The following TRRAP variants were observed in gnomAD, a reference collection of about 807,000 sequenced individuals.
TRRAP encodes the protein transformation/transcription domain associated protein.
A neutral mutation model predicts 438.8 loss-of-function variants in TRRAP; 41 were observed. The ratio of observed to expected loss-of-function variants is 0.09; its 90% CI spans 0.07 to 0.12. The LOEUF (loss-of-function observed/expected upper bound fraction) is 0.12, where lower values mean the gene tolerates loss of function less well. Among genes scored for constraint, TRRAP ranks in the 10% least tolerant of loss-of-function variants. The pLI is 1.00. For missense variants in TRRAP, 3,122 were observed against 5,055.1 expected (o/e 0.62, Z 11.60); for synonymous variants, 1,994 against 1,962.9 (o/e 1.02, Z -0.42).
chr7:98,890,781 CTTTTTTTTTT>C (rs71118642), intron 4 of TRRAP, among the ~76,000 whole-genome samples: 4 of 53,072 alleles, frequency 7.5e-5, no homozygotes, highest in Admixed American at 6.2e-4. Context: ...AATGTCAGTT[CTTTTTTTTTT>C]TTTTTTTTTT....
chr7:98,896,416 G>C (rs1441205725), intron 7 of TRRAP, among the ~76,000 whole-genome samples: 2 of 149,430 alleles, frequency 1.3e-5, no homozygotes, highest in Non-Finnish European at 3.0e-5. Context: ...CTTTTTTTTT[G>C]GCTGGGGGTG....
At chr7:98,929,927 G>A in intron 23 of TRRAP, 62 bp from the exon 24 acceptor site, 1 of 1,541,996 alleles carries the variant, frequency 6.5e-7, no homozygotes, top group Non-Finnish European at 8.9e-7. Context: ...GGAAAACATT[G>A]GGGAGTTCTG....
intron 3 of TRRAP, among the ~76,000 whole-genome samples, chr7:98,886,748 C>G (rs1475925005): frequency 6.6e-6 from 1 of 152,102 alleles, no homozygotes; most frequent in African/African-American, 2.4e-5. Context: ...TTTCAGGAGT[C>G]TTACAGATTC....
chr7:99,012,553 G>C lies in TRRAP; in HGVS notation c.*198G>C, dbSNP rs1296817563. On this transcript the variant is annotated 3_prime_UTR_variant, in exon 73 of 73. Coordinates refer to ENST00000456197, the MANE Select transcript of TRRAP (RefSeq NM_001375524.1). The surrounding 1 kb of genome is among the most constrained non-coding windows in gnomAD (Gnocchi z 5.9). ...AGGAAGCTGAACTATGACGATGCTG[G>C]GCGAAGCGGTTGGAAATGGCAGAGC... 1 of 664,160 alleles carries C rather than the reference G, an allele frequency of 1.5e-6. No homozygotes were observed. The highest frequency in any genetic ancestry group is 1.8e-5 in the African/African-American group (1 of 55,108). 41.1% of individuals were successfully genotyped at this position (664,160 alleles called of 1,614,324 possible). A position where few individuals can be genotyped will look rare whatever the true frequency, so the allele number is the denominator to read the frequency against.
rs781991547 is a variant in TRRAP at position 98,903,365 on chromosome 7, C to T, written c.898-14C>T. 3 of 1,613,878 alleles carry T rather than the reference C, an allele frequency of 1.9e-6. No individual in the cohort carries two copies. Among genetic ancestry groups the T allele is most frequent in the African/African-American group, 1.3e-5 (1 of 74,930 alleles). ...CTATCCCTGTAACTGTGTCATCTCA[C>T]TCTGTTCTTACAGGAGTTGGTGACT... On this transcript the variant is annotated splice_polypyrimidine_tract_variant and intron_variant, in intron 11 of 72. Transcript: ENST00000456197.
At chr7:98,934,417 G>A (rs1228492079) in intron 27 of TRRAP, among the ~76,000 whole-genome samples, 1 of 152,152 alleles carries the variant, frequency 6.6e-6, no homozygotes, top group Non-Finnish European at 1.5e-5. Context: ...CTTATCATTT[G>A]TAAGGCTTGA....
In TRRAP at chr7:98,992,134, C is replaced by T. The variant is rs1793454341; in HGVS notation, c.9757-3C>T. Reference sequence around the variant, plus strand: ...CTGTTTATAACATCTTGTCTCTGAGCAGGTTGGACGCGTGTATCCCCAAGC... The same window carrying T: ...CTGTTTATAACATCTTGTCTCTGAGTAGGTTGGACGCGTGTATCCCCAAGC... On this transcript the variant is annotated splice_polypyrimidine_tract_variant and splice_region_variant and intron_variant, in intron 64 of 72. Transcript: ENST00000456197. 2 of 1,614,152 alleles carry T rather than the reference C, an allele frequency of 1.2e-6. No homozygotes were observed. Among genetic ancestry groups the T allele is most frequent in the Non-Finnish European group, 1.7e-6 (2 of 1,179,968 alleles).
rs77714149 is a variant in TRRAP at position 98,996,696 on chromosome 7, C to T, written c.10309+1848C>T. Among the ~76,000 whole-genome samples, 963 of 152,260 alleles carry T rather than the reference C, an allele frequency of 6.3e-3. 29 individuals are homozygous for T. The highest frequency in any genetic ancestry group is 0.052 in the Admixed American group (797 of 15,300). On this transcript the variant is annotated intron_variant, in intron 67 of 72. Transcript: ENST00000456197. ...CCTGAATGGAAGTGCATGAAACTAT[C>T]TGGTTAAAACAAAATATGGGCCTTC...
chr7:98,956,502 G>A lies in TRRAP; in HGVS notation c.6200G>A (p.Arg2067His), dbSNP rs1196301554. 5.0e-6 allele frequency: 8 copies of A among 1,614,056 alleles called. No individual in the cohort carries two copies. The highest frequency in any genetic ancestry group is 5.9e-6 in the Non-Finnish European group (7 of 1,180,034). ...GTGGATTCTGCCCAGGAAGTGAAAC[G>A]CTTTAGGACGGCCACCGGAGCCATC... The part of the protein sequence containing the change: ...LSVDSAQEVK[R>H]FRTATGAISA... Residue 2067 changes from arginine to histidine, a missense_variant, in exon 43 of 73, where the codon CGC becomes CAC. By Grantham distance (29) the Arg-to-His change is conservative. This residue lies in a region of TRRAP where 992 missense variants were observed against 1,281.2 expected (regional missense o/e 0.77). Transcript: ENST00000456197. The surrounding 1 kb of genome is among the most constrained non-coding windows in gnomAD (Gnocchi z 4.5).
intron 31 of TRRAP, among the ~76,000 whole-genome samples, chr7:98,944,383 AAGTT>A (rs1760625104): frequency 6.6e-6 from 1 of 152,172 alleles, no homozygotes; most frequent in Non-Finnish European, 1.5e-5. Flanking sequence ...TATTTCATAA[AAGTT>A]AGCAGATTAT....
intron 67 of TRRAP, among the ~76,000 whole-genome samples, chr7:99,002,181 T>G (rs1269226286): frequency 6.6e-6 from 1 of 152,156 alleles, no homozygotes; most frequent in Non-Finnish European, 1.5e-5. Flanking sequence ...GGGCATCCCG[T>G]GCTGATGGTG....
At chr7:98,901,206 T>C (rs782324615) in intron 11 of TRRAP, among the ~76,000 whole-genome samples, 3 of 152,282 alleles carry the variant, frequency 2.0e-5, no homozygotes, top group African/African-American at 7.2e-5. Context: ...TTCTGGTTTC[T>C]GGTGAGGGCT....
At position 98,978,827 on chromosome 7, in the gene TRRAP, C is replaced by T. The variant is rs1792782950; in HGVS notation, c.8557C>T (p.His2853Tyr). The change falls in exon 58 of 73, where the codon CAC (histidine) becomes TAC (tyrosine). Residue 2853 changes from histidine to tyrosine, a missense_variant. Around this residue, in one of 24 missense-constraint regions of TRRAP, gnomAD observed 992 missense variants for 1,281.2 expected, o/e 0.77. Coordinates refer to ENST00000456197, the MANE Select transcript of TRRAP (RefSeq NM_001375524.1). ...ALTEYGQSKGHINPYLVLECA... is the reference protein window; with the variant it reads ...ALTEYGQSKGYINPYLVLECA... ...GACGGAGTACGGTCAGTCCAAAGGC[C>T]ACATCAACCCCTACCTCGTCCTGGA... 2 of 1,614,092 alleles carry T rather than the reference C, an allele frequency of 1.2e-6. No individual in the cohort carries two copies. The highest frequency in any genetic ancestry group is 1.1e-5 in the South Asian group (1 of 91,086).
At chr7:98,999,144 G>A (rs1174875804) in intron 67 of TRRAP, 17 of 1,569,102 alleles carry the variant, frequency 1.1e-5, no homozygotes, top group Non-Finnish European at 8.7e-7. Flanking sequence ...CTGAGCAGTT[G>A]AGGCATTGAA....
intron 4 of TRRAP, among the ~76,000 whole-genome samples, chr7:98,892,039 A>G (rs1163844307): frequency 2.6e-5 from 4 of 152,204 alleles, no homozygotes; most frequent in African/African-American, 7.2e-5. Context: ...TGGCGATAGC[A>G]TTATGGGAGC....
chr7:98,906,457 G>A (rs1230179934), intron 13 of TRRAP, among the ~76,000 whole-genome samples: 5 of 150,012 alleles, frequency 3.3e-5, no homozygotes, highest in Non-Finnish European at 5.9e-5. Flanking sequence ...TTTTGAGGCC[G>A]AGTCTCACTC....
At chr7:98,884,471 G>A (rs1049836541) in intron 3 of TRRAP, among the ~76,000 whole-genome samples, 6 of 151,928 alleles carry the variant, frequency 3.9e-5, no homozygotes, top group Non-Finnish European at 5.9e-5. Context: ...CTGACCTTAA[G>A]CGATCCACCC....
At chr7:98,928,666 C>T (rs538722982) in intron 23 of TRRAP, among the ~76,000 whole-genome samples, 60 of 152,272 alleles carry the variant, frequency 3.9e-4, no homozygotes, top group Admixed American at 1.1e-3. Context: ...TAGGAATATC[C>T]GGAGCATAAC....
intron 53 of TRRAP, among the ~76,000 whole-genome samples, chr7:98,972,934 C>G (rs554864218): frequency 6.6e-6 from 1 of 152,260 alleles, no homozygotes; most frequent in East Asian, 1.9e-4. Flanking sequence ...CAGCCTGATA[C>G]ATGTGAGTGA....
Sources: allele counts gnomAD v4.1 joint callset (sites outside exome capture counted in the v4.1 genomes callset), GRCh38; gene constraint gnomAD v4.1.1; regional missense constraint gnomAD v4.1.1; non-coding constraint Gnocchi (gnomAD v3.1); transcripts MANE v1.5; gene names NCBI Gene and HGNC (gene_info 2026-07-23, HGNC 2026-07-21).